AK9: variants seen among roughly 807,000 people sequenced by gnomAD.
AK9 encodes adenylate kinase 9, also known as adenylate kinase domain containing 1.
A neutral mutation model predicts 239.6 loss-of-function variants in AK9; 191 were observed. The observed-to-expected ratio is 0.80, with a 90% CI of 0.71 to 0.90. The LOEUF is 0.90. Among genes scored for constraint, AK9 ranks in the 40% least tolerant of loss-of-function variants. The probability of loss-of-function intolerance (pLI) is 0.00; values close to 1 mark genes in which losing one functional copy is unlikely to be tolerated. For synonymous variants in AK9, 689 were observed against 721.0 expected (o/e 0.96, Z 0.71); for missense variants, 1,995 against 2,214.7 (o/e 0.90, Z 1.99).
chr6:109,527,368 T>C (rs1780657579), intron 29 of AK9, among the ~76,000 whole-genome samples: 1 of 152,096 alleles, frequency 6.6e-6, no homozygotes, highest in Admixed American at 6.5e-5. Flanking sequence ...CCCCAGTTAG[T>C]CTGAAAAAGG....
intron 33 of AK9, among the ~76,000 whole-genome samples, chr6:109,507,422 AGTT>A (rs1778226038): frequency 6.6e-6 from 1 of 151,616 alleles, no homozygotes; most frequent in Non-Finnish European, 1.5e-5. Context: ...GCTGGGGGAG[AGTT>A]GGTGAGAGTG....
intron 17 of AK9, among the ~76,000 whole-genome samples, chr6:109,597,851 A>C (rs530544554): frequency 9.2e-5 from 14 of 152,160 alleles, no homozygotes; most frequent in African/African-American, 3.4e-4. Context: ...AGGAAAGTAC[A>C]ACTTGGAAGA....
intron 19 of AK9, among the ~76,000 whole-genome samples, chr6:109,580,504 C>A (rs948999673): frequency 1.8e-4 from 27 of 152,102 alleles, no homozygotes; most frequent in African/African-American, 6.5e-4. Context: ...AAAATTATAT[C>A]AGGTATTCAT....
At chr6:109,665,267 C>G (rs1232336331) in intron 5 of AK9, among the ~76,000 whole-genome samples, 1 of 152,140 alleles carries the variant, frequency 6.6e-6, no homozygotes, top group Non-Finnish European at 1.5e-5. Context: ...GTATGATTCC[C>G]TCTTGTCTTG....
At chr6:109,655,839 C>T (rs780924171) in intron 8 of AK9, among the ~76,000 whole-genome samples, 13 of 152,146 alleles carry the variant, frequency 8.5e-5, no homozygotes, top group African/African-American at 2.2e-4. Flanking sequence ...GTGTACTTCA[C>T]GCTTCAGAAG....
In AK9 at chr6:109,546,057, G is replaced by C; in HGVS notation, c.3035C>G (p.Ala1012Gly). The change falls in exon 26 of 41, where the codon GCA becomes GGA. Residue 1012 changes from alanine to glycine, a missense_variant. Coordinates refer to ENST00000424296, the MANE Select transcript of AK9 (RefSeq NM_001145128.3). ...AATGTGAAAAATGTTTAATTTTTCT[G>C]CCAACTGTCTTCCACACATAGTTTT... is the stretch of plus-strand genomic sequence containing the variant. The part of the protein sequence containing the change: ...SGKTMCGRQL[A>G]EKLNIFHIQF... 2 of 1,548,008 alleles carry C rather than the reference G, an allele frequency of 1.3e-6. No homozygotes were observed. Among genetic ancestry groups the C allele is most frequent in the Non-Finnish European group, 1.8e-6 (2 of 1,140,828 alleles).
chr6:109,546,189 T>C, intron 25 of AK9, 62 bp from the exon 26 acceptor site: 2 of 1,459,158 alleles, frequency 1.4e-6, no homozygotes, highest in Middle Eastern at 2.5e-4. Flanking sequence ...AAAGCAGTTT[T>C]GAGTAATTTA....
At chr6:109,584,942 G>A (rs1789303954) in intron 19 of AK9, among the ~76,000 whole-genome samples, 181 bp downstream of exon 19, 1 of 152,008 alleles carries the variant, frequency 6.6e-6, no homozygotes, top group African/African-American at 2.4e-5. Context: ...ACAACTGTGT[G>A]CTTTAGAGAT....
At chr6:109,633,421 T>C in intron 10 of AK9, 98 bp from the exon 11 acceptor site, 2 of 1,287,778 alleles carry the variant, frequency 1.6e-6, no homozygotes, top group South Asian at 3.0e-5. Context: ...TGCTTTACTA[T>C]TTAAGAAATA....
intron 12 of AK9, among the ~76,000 whole-genome samples, chr6:109,629,334 AC>A (rs1795875293): frequency 6.6e-6 from 1 of 152,172 alleles, no homozygotes; most frequent in Non-Finnish European, 1.5e-5. Flanking sequence ...AAGGCCTATT[AC>A]AAGTAATAGG....
chr6:109,495,933 T>C (rs1370274984), intron 38 of AK9, among the ~76,000 whole-genome samples: 2 of 151,996 alleles, frequency 1.3e-5, no homozygotes, highest in African/African-American at 2.4e-5. Context: ...ACTTCCTTAT[T>C]GGGTCCTTCC....
At chr6:109,552,819 CG>C (rs1010342699) in intron 24 of AK9, among the ~76,000 whole-genome samples, 41 of 152,084 alleles carry the variant, frequency 2.7e-4, no homozygotes, top group Non-Finnish European at 4.0e-4. Flanking sequence ...TTTTCTTCTA[CG>C]TTTTTTTATG....
At chr6:109,507,974 A>G (rs1335657053) in intron 33 of AK9, among the ~76,000 whole-genome samples, 2 of 152,164 alleles carry the variant, frequency 1.3e-5, no homozygotes, top group African/African-American at 2.4e-5. Context: ...CTCACTGCCA[A>G]TTTCTGTACA....
At chr6:109,644,047 A>G (rs1236579244) in intron 9 of AK9, among the ~76,000 whole-genome samples, 1 of 152,148 alleles carries the variant, frequency 6.6e-6, no homozygotes. Context: ...TTTCCCCAAC[A>G]TATTGGATAC....
intron 8 of AK9, among the ~76,000 whole-genome samples, chr6:109,654,259 A>T (rs1400212664): frequency 6.6e-6 from 1 of 152,196 alleles, no homozygotes; most frequent in Non-Finnish European, 1.5e-5. Context: ...ACAACAGATT[A>T]TATCAGCATT....
intron 17 of AK9, among the ~76,000 whole-genome samples, chr6:109,589,079 C>T (rs1413112256): frequency 1.3e-5 from 2 of 151,898 alleles, no homozygotes; most frequent in African/African-American, 4.8e-5. Context: ...TTGTTCTGTA[C>T]AAATTTCACT....
intron 10 of AK9, among the ~76,000 whole-genome samples, 181 bp downstream of exon 10, chr6:109,641,337 T>G (rs993248637): frequency 1.5e-5 from 2 of 132,916 alleles, no homozygotes; most frequent in African/African-American, 5.4e-5. Context: ...CTGGCTAATT[T>G]TTTCTTTCTT....
At chr6:109,661,467 C>G (rs1052085463) in intron 6 of AK9, among the ~76,000 whole-genome samples, 8 of 152,202 alleles carry the variant, frequency 5.3e-5, no homozygotes, top group Non-Finnish European at 1.0e-4. Flanking sequence ...GCCTGCACAA[C>G]TGTGTGCTCT....
At chr6:109,660,503 A>G (rs1244995934) in intron 6 of AK9, among the ~76,000 whole-genome samples, 1 of 152,202 alleles carries the variant, frequency 6.6e-6, no homozygotes, top group Non-Finnish European at 1.5e-5. Flanking sequence ...TGATTTCTTC[A>G]TGCCATCTCT....
Sources: allele counts gnomAD v4.1 joint callset (sites outside exome capture counted in the v4.1 genomes callset), GRCh38; gene constraint gnomAD v4.1.1; transcripts MANE v1.5; gene names NCBI Gene and HGNC (gene_info 2026-07-23, HGNC 2026-07-21).